SMOC2: variants seen among roughly 807,000 people sequenced by gnomAD.
SMOC2 encodes SPARC-related modular calcium-binding protein 2.
In SMOC2, 39 loss-of-function variants were observed where a neutral mutation model predicts 61.4. The ratio of observed to expected loss-of-function variants is 0.64; its 90% CI spans 0.49 to 0.83. The LOEUF is 0.83. SMOC2 is among the 40% of genes least tolerant of loss of function. The pLI is 0.00. For missense variants in SMOC2, 556 were observed against 592.9 expected (o/e 0.94, Z 0.65); for synonymous variants, 247 against 239.9 (o/e 1.03, Z -0.27).
At chr6:168,484,201 G>T (rs1269091087) in intron 1 of SMOC2, among the ~76,000 whole-genome samples, 1 of 152,066 alleles carries the variant, frequency 6.6e-6, no homozygotes, top group East Asian at 1.9e-4. Flanking sequence ...TCTGACAAGG[G>T]ATAAATATCC....
intron 6 of SMOC2, among the ~76,000 whole-genome samples, chr6:168,547,394 G>A (rs796258208): frequency 6.6e-6 from 1 of 151,634 alleles, no homozygotes; most frequent in Non-Finnish European, 1.5e-5. Flanking sequence ...ACAGCAAGCC[G>A]AAAGGTGGTC....
intron 2 of SMOC2, among the ~76,000 whole-genome samples, chr6:168,523,990 G>GT: frequency 6.6e-6 from 1 of 152,224 alleles, no homozygotes; most frequent in Middle Eastern, 3.4e-3. Context: ...TTGAGGGTGT[G>GT]TTTAACATTT....
At chr6:168,580,720 T>C (rs951853243) in intron 7 of SMOC2, among the ~76,000 whole-genome samples, 1 of 152,156 alleles carries the variant, frequency 6.6e-6, no homozygotes, top group Non-Finnish European at 1.5e-5. Flanking sequence ...TTTTTTCGTT[T>C]TTCATAGTGA....
At chr6:168,638,035 C>T (rs929833054) in intron 9 of SMOC2, among the ~76,000 whole-genome samples, 27 of 150,456 alleles carry the variant, frequency 1.8e-4, no homozygotes, top group Admixed American at 5.3e-4. Context: ...CACATCTGCG[C>T]ACTCCCTGGC....
chr6:168,627,158 T>G (rs1324556112), intron 9 of SMOC2, among the ~76,000 whole-genome samples: 2 of 152,194 alleles, frequency 1.3e-5, no homozygotes, highest in East Asian at 3.9e-4. Context: ...CATGTTGACT[T>G]TGGGTTAGCC....
chr6:168,506,013 AT>A (rs59850975), intron 1 of SMOC2, among the ~76,000 whole-genome samples: 85 of 147,636 alleles, frequency 5.8e-4, no homozygotes, highest in Admixed American at 8.1e-4. Flanking sequence ...GCTTTTGAGA[AT>A]TTTTTTTTTT....
chr6:168,587,233 T>C (rs1459307613), intron 7 of SMOC2, among the ~76,000 whole-genome samples: 3 of 152,228 alleles, frequency 2.0e-5, no homozygotes, highest in African/African-American at 7.2e-5. Flanking sequence ...AATACACTCA[T>C]ATATTCTTCC....
At chr6:168,581,135 G>T (rs978488094) in intron 7 of SMOC2, among the ~76,000 whole-genome samples, 1 of 151,974 alleles carries the variant, frequency 6.6e-6, no homozygotes, top group Non-Finnish European at 1.5e-5. Context: ...TCCTCCCCCT[G>T]CCCCCACACC....
intron 3 of SMOC2, 26 bp from the exon 4 acceptor site, chr6:168,527,602 C>T (rs931419990): frequency 1.3e-5 from 20 of 1,528,106 alleles, no homozygotes; most frequent in Non-Finnish European, 1.7e-5. Flanking sequence ...CCCGGGAGGG[C>T]TTACCCGTCC....
chr6:168,611,605 G>T (rs1785868056), intron 9 of SMOC2, among the ~76,000 whole-genome samples: 2 of 89,002 alleles, frequency 2.2e-5, no homozygotes, highest in Non-Finnish European at 4.5e-5. Flanking sequence ...CCCATGTCTG[G>T]CCCTGCTCTG....
In SMOC2 at chr6:168,526,534, G is replaced by C. The variant is rs575457979; in HGVS notation, c.363+82G>C. On this transcript the variant is annotated intron_variant, in intron 3 of 12. Transcript: ENST00000356284. ...AGCGGGTGTGGGGAGAAGGCAGGTG[G>C]GGGGAGCCGAACAGAAGAAGCAGCG... 6.5e-4 allele frequency: 712 copies of C among 1,096,202 alleles called. 1 individual carries two copies. The highest frequency in any genetic ancestry group is 2.4e-3 in the Admixed American group (136 of 56,122). The allele number at this position is 1,096,202 out of a possible 1,614,324, so 67.9% of individuals were successfully genotyped here.
At chr6:168,541,575 C>G (rs1783879598) in intron 4 of SMOC2, among the ~76,000 whole-genome samples, 1 of 152,092 alleles carries the variant, frequency 6.6e-6, no homozygotes, top group Non-Finnish European at 1.5e-5. Context: ...TCCTGGAGGC[C>G]AGGATCTTAC....
At chr6:168,529,873 G>A (rs1783544357) in intron 4 of SMOC2, among the ~76,000 whole-genome samples, 2 of 152,250 alleles carry the variant, frequency 1.3e-5, no homozygotes, top group East Asian at 3.9e-4. Flanking sequence ...CAGCTGGGCA[G>A]TGTCTTGATC....
chr6:168,510,591 A>G (rs1446183758), intron 2 of SMOC2, among the ~76,000 whole-genome samples: 1 of 152,230 alleles, frequency 6.6e-6, no homozygotes, highest in African/African-American at 2.4e-5. Flanking sequence ...CTGATGTTTC[A>G]GAGTTATTTT....
intron 4 of SMOC2, among the ~76,000 whole-genome samples, chr6:168,530,823 G>A (rs919847497): frequency 6.6e-6 from 1 of 152,170 alleles, no homozygotes; most frequent in African/African-American, 2.4e-5. Flanking sequence ...GGAAACCCAG[G>A]AGAAATGCAT....
chr6:168,608,236 C>T lies in SMOC2; in HGVS notation c.904C>T (p.Gln302Ter). Residue 302 changes from glutamine (Q) to a stop codon, truncating the protein, a stop_gained, in exon 9 of 13, where the codon CAA becomes TAA. Coordinates refer to ENST00000356284, the MANE Select transcript of SMOC2 (RefSeq NM_001166412.2). LOFTEE classifies it high-confidence loss of function. ...ARDLYKGRQL[Q>*]GCPGAKKHEF... Reference sequence around the variant, plus strand: ...GGACCTGTACAAGGGCCGCCAGCTACAAGGTGAGCAGCACCCGCGAGTGTG... The same window carrying T: ...GGACCTGTACAAGGGCCGCCAGCTATAAGGTGAGCAGCACCCGCGAGTGTG... 1 of 1,611,904 alleles carries T rather than the reference C, an allele frequency of 6.2e-7. No homozygotes were observed. Among genetic ancestry groups the T allele is most frequent in the South Asian group, 1.1e-5 (1 of 90,558 alleles).
At chr6:168,548,007 CTTAGGTAT>C (rs1784045757) in intron 6 of SMOC2, among the ~76,000 whole-genome samples, 1 of 152,092 alleles carries the variant, frequency 6.6e-6, no homozygotes. Context: ...AATACATTGT[CTTAGGTAT>C]TTACCAGTGT....
At chr6:168,471,513 G>T (rs539574803) in intron 1 of SMOC2, among the ~76,000 whole-genome samples, 41 of 152,330 alleles carry the variant, frequency 2.7e-4, no homozygotes, top group African/African-American at 9.9e-4. Context: ...GGCTAATGCT[G>T]CTATGGACAT....
At chr6:168,496,983 C>CG (rs529735065) in intron 1 of SMOC2, among the ~76,000 whole-genome samples, 160 of 152,364 alleles carry the variant, frequency 1.1e-3, no homozygotes, top group Middle Eastern at 3.4e-3. Context: ...GGGGAAGATG[C>CG]GGCCCCCGGC....
Sources: allele counts gnomAD v4.1 joint callset (sites outside exome capture counted in the v4.1 genomes callset), GRCh38; gene constraint gnomAD v4.1.1; transcripts MANE v1.5; gene names NCBI Gene and HGNC (gene_info 2026-07-23, HGNC 2026-07-21).